Variants in SLC30A8 observed in about 807,000 individuals in gnomAD.
SLC30A8 encodes solute carrier family 30 member 8.
SLC30A8 carries 27 observed loss-of-function variants against 36.9 expected under a neutral mutation model. The observed-to-expected ratio is 0.73, with a 90% CI of 0.54 to 1.01. SLC30A8 has a LOEUF of 1.01. Ranked by LOEUF, SLC30A8 falls within the 50% of genes least tolerant of loss-of-function variation. SLC30A8 has a pLI of 0.00. For synonymous variants in SLC30A8, 164 were observed against 172.4 expected, an observed-to-expected ratio of 0.95 and a Z score of 0.38; for missense variants, 439 against 452.0, an observed-to-expected ratio of 0.97 and a Z score of 0.26.
rs1341407372 is a variant in SLC30A8, at chr8:117,103,050, A to T, written c.-225-32230A>T. On this transcript the variant is annotated intron_variant, in intron 2 of 10. Transcript: ENST00000427715. ...AACTCAAAGTCCAAAATCTTACTAC[A>T]TATAATTAACTTGAAAAGTTCAAAA... Among the ~76,000 whole-genome samples, 6 of 152,218 alleles carry T rather than the reference A, an allele frequency of 3.9e-5. No homozygotes were observed. The East Asian group carries it at 7.7e-4, about 20-fold the overall frequency.
intron 1 of SLC30A8, among the ~76,000 whole-genome samples, chr8:116,952,533 C>T (rs1814030516): frequency 6.6e-6 from 1 of 152,188 alleles, no homozygotes; most frequent in African/African-American, 2.4e-5. Flanking sequence ...CAAACTCCGC[C>T]TTCCGGGTTC....
intron 2 of SLC30A8, among the ~76,000 whole-genome samples, chr8:117,083,984 C>T (rs918759856): frequency 8.6e-5 from 13 of 152,030 alleles, no homozygotes; most frequent in South Asian, 4.1e-4. Flanking sequence ...TGAGCTTTGC[C>T]GCCCCAAGAT....
chr8:117,015,836 T>G (rs971181753), intron 1 of SLC30A8, among the ~76,000 whole-genome samples: 16 of 152,190 alleles, frequency 1.1e-4, no homozygotes, highest in African/African-American at 3.6e-4. Flanking sequence ...GTGTTATGCT[T>G]TATTTCACTG....
At chr8:117,163,294 T>C in intron 5 of SLC30A8, 131 bp from the exon 6 acceptor site, 2 of 626,982 alleles carry the variant, frequency 3.2e-6, no homozygotes, top group Middle Eastern at 2.6e-4. Context: ...CTCAGTTGGA[T>C]GACACATGTC....
intron 2 of SLC30A8, among the ~76,000 whole-genome samples, chr8:117,063,237 T>C (rs1003560171): frequency 6.6e-6 from 1 of 152,204 alleles, no homozygotes; most frequent in African/African-American, 2.4e-5. Context: ...AAAGTCTCTC[T>C]TGTTTTTTTC....
chr8:117,107,925 T>G (rs1331191550), intron 2 of SLC30A8, among the ~76,000 whole-genome samples: 1 of 152,224 alleles, frequency 6.6e-6, no homozygotes, highest in African/African-American at 2.4e-5. Flanking sequence ...TCTCTTTCAT[T>G]CTAATCACCT....
intron 1 of SLC30A8, among the ~76,000 whole-genome samples, chr8:117,000,385 T>G (rs1382638668): frequency 6.6e-6 from 1 of 152,148 alleles, no homozygotes; most frequent in Non-Finnish European, 1.5e-5. Context: ...AAGTAAGGCT[T>G]GTAGAAATTG....
chr8:117,048,810 CTT>C (rs936088308), intron 2 of SLC30A8, among the ~76,000 whole-genome samples: 2 of 152,040 alleles, frequency 1.3e-5, no homozygotes, highest in African/African-American at 4.8e-5. Flanking sequence ...AAAAATAAGA[CTT>C]TGTGTTATTT....
chr8:116,958,994 C>T (rs112830191), intron 1 of SLC30A8, among the ~76,000 whole-genome samples: 2,016 of 151,504 alleles, frequency 0.013, 40 homozygotes, highest in African/African-American at 0.046. Context: ...GGACTACAGG[C>T]GCCTGCCACC....
At chr8:116,975,357 T>C (rs1344339442) in intron 1 of SLC30A8, among the ~76,000 whole-genome samples, 1 of 152,184 alleles carries the variant, frequency 6.6e-6, no homozygotes, top group East Asian at 1.9e-4. Context: ...ATATTCTATA[T>C]CTTTGTTATA....
intron 2 of SLC30A8, among the ~76,000 whole-genome samples, chr8:117,081,684 A>G (rs1445889979): frequency 6.6e-6 from 1 of 152,134 alleles, no homozygotes; most frequent in Non-Finnish European, 1.5e-5. Context: ...GCCCCCATTA[A>G]TTACTGCCAC....
At chr8:117,110,556 T>C (rs570765829) in intron 2 of SLC30A8, among the ~76,000 whole-genome samples, 14 of 152,172 alleles carry the variant, frequency 9.2e-5, no homozygotes, top group Non-Finnish European at 1.3e-4. Context: ...GCTGGCTGGA[T>C]GCCAGGGCAT....
intron 6 of SLC30A8, chr8:117,163,923 TTTTA>T (rs968020360): frequency 6.2e-6 from 1 of 160,586 alleles, no homozygotes; most frequent in Middle Eastern, 3.2e-3. Context: ...AAGGGTGACC[TTTTA>T]TTTGTTTGTC....
At chr8:117,077,307 G>C (rs2130806875) in intron 2 of SLC30A8, among the ~76,000 whole-genome samples, 2 of 152,204 alleles carry the variant, frequency 1.3e-5, no homozygotes, top group South Asian at 4.1e-4. Context: ...CAATATTTTT[G>C]CACTTCAAGC....
At chr8:117,003,080 A>G (rs1165174535) in intron 1 of SLC30A8, among the ~76,000 whole-genome samples, 1 of 152,182 alleles carries the variant, frequency 6.6e-6, no homozygotes, top group Non-Finnish European at 1.5e-5. Context: ...ACAGATATCT[A>G]ATCTTGTTGA....
At chr8:117,125,481 T>G (rs1200936367) in intron 2 of SLC30A8, among the ~76,000 whole-genome samples, 1 of 151,912 alleles carries the variant, frequency 6.6e-6, no homozygotes, top group African/African-American at 2.4e-5. Flanking sequence ...TTTTTGTGAA[T>G]GGAGATGTGT....
chr8:117,172,203 G>A (rs920994031), intron 7 of SLC30A8, among the ~76,000 whole-genome samples: 3 of 152,118 alleles, frequency 2.0e-5, no homozygotes, highest in South Asian at 2.1e-4. Flanking sequence ...CTGGGAGCTG[G>A]TGAGCAGGGC....
chr8:116,965,723 T>C (rs1814578075), intron 1 of SLC30A8, among the ~76,000 whole-genome samples: 1 of 152,186 alleles, frequency 6.6e-6, no homozygotes, highest in South Asian at 2.1e-4. Flanking sequence ...AACAAAAAAT[T>C]GACTGGTTTA....
At chr8:117,062,655 G>A (rs1273378048) in intron 2 of SLC30A8, among the ~76,000 whole-genome samples, 1 of 152,192 alleles carries the variant, frequency 6.6e-6, no homozygotes. Flanking sequence ...GGAGGAGTCT[G>A]CATTCAGAGT....
Sources: gnomAD v4.1 joint callset for allele counts (sites outside exome capture counted in the v4.1 genomes callset) on GRCh38, gnomAD v4.1.1 for gene constraint, MANE v1.5 for transcripts, NCBI Gene and HGNC (gene_info 2026-07-23, HGNC 2026-07-21) for gene names.